Variants in SYNE2 observed in about 807,000 individuals in gnomAD.
SYNE2 encodes the protein nesprin-2.
Under a neutral mutation model 856.3 loss-of-function variants are expected in SYNE2, and 431 were observed. The observed-to-expected ratio is 0.50, with a 90% CI of 0.47 to 0.55. The LOEUF (loss-of-function observed/expected upper bound fraction) is 0.55. SYNE2 is among the 20% of genes least tolerant of loss of function. The probability of loss-of-function intolerance (pLI) is 0.00; values close to 1 mark genes in which losing one functional copy is unlikely to be tolerated. For missense variants in SYNE2, 8,129 were observed against 8,023.2 expected (o/e 1.01, Z -0.50); for synonymous variants, 2,923 against 2,872.3 (o/e 1.02, Z -0.56).
chr14:64,094,865 A>C (rs1293054584), intron 61 of SYNE2, among the ~76,000 whole-genome samples: 4 of 152,202 alleles, frequency 2.6e-5, no homozygotes, highest in Admixed American at 1.3e-4. Context: ...CTACATATTA[A>C]TAGGAATAAC....
intron 1 of SYNE2, among the ~76,000 whole-genome samples, chr14:63,843,298 G>A (rs1001974155): frequency 6.6e-6 from 1 of 152,124 alleles, no homozygotes; most frequent in Admixed American, 6.6e-5. Context: ...CACCTGCCTA[G>A]GGCTCTCAAA....
At position 64,052,429 on chromosome 14, in the gene SYNE2, T is replaced by C; in HGVS notation, c.8516T>C (p.Phe2839Ser). The C allele has an allele frequency of 6.2e-7, 1 of 1,613,078 alleles. No individual in the cohort carries two copies. Among genetic ancestry groups the C allele is most frequent in the Non-Finnish European group, 8.5e-7 (1 of 1,179,658 alleles). ...TTTAAGTTGGAAGAAAGAAGCAATT[T>C]TTTTGCTATAATAAGGAAGTTTCAA... ...LEFKLEERSN[F>S]FAIIRKFQLM... is the part of the protein sequence containing the mutation. The change falls in exon 48 of 116, where the codon TTT becomes TCT. Residue 2839 changes from phenylalanine to serine, a missense_variant. This residue lies in a region of SYNE2 where 5,410 missense variants were observed against 5,284.8 expected (regional missense o/e 1.02). Transcript: ENST00000555002.
At chr14:64,143,476 T>G (rs1159127977) in intron 82 of SYNE2, among the ~76,000 whole-genome samples, 1 of 152,210 alleles carries the variant, frequency 6.6e-6, no homozygotes, top group African/African-American at 2.4e-5. Context: ...CCCAGGAAGC[T>G]TTGTCATATC....
At chr14:63,817,244 G>C (rs1889027293) in intron 1 of SYNE2, among the ~76,000 whole-genome samples, 1 of 152,072 alleles carries the variant, frequency 6.6e-6, no homozygotes, top group South Asian at 2.1e-4. Context: ...TGGATTGCTT[G>C]AGCTCAGGAG....
chr14:64,037,987 C>T (rs1466033866), intron 45 of SYNE2, among the ~76,000 whole-genome samples: 204 of 151,450 alleles, frequency 1.3e-3, no homozygotes, highest in African/African-American at 4.3e-3. Context: ...CGGGCGGAGA[C>T]GCTCCTCACT....
At chr14:64,062,970 A>G (rs2097329162) in intron 50 of SYNE2, 75 bp downstream of exon 50, 2 of 1,563,258 alleles carry the variant, frequency 1.3e-6, no homozygotes, top group South Asian at 2.2e-5. Flanking sequence ...GCAGCAGAGA[A>G]TGTGGTCCTG....
chr14:63,824,080 TG>T (rs1437066118), intron 1 of SYNE2, among the ~76,000 whole-genome samples: 2 of 152,248 alleles, frequency 1.3e-5, no homozygotes, highest in Non-Finnish European at 2.9e-5. Context: ...GACTCATACC[TG>T]TAATCCCAAC....
At chr14:64,064,233 A>G (rs2097340218) in intron 50 of SYNE2, among the ~76,000 whole-genome samples, 1 of 152,208 alleles carries the variant, frequency 6.6e-6, no homozygotes, top group Non-Finnish European at 1.5e-5. Context: ...TTGATACCAC[A>G]ACAGTTGATC....
Position 64,021,372 on chromosome 14 carries a change from G to T in SYNE2, c.5209G>T (p.Glu1737Ter). Residue 1737 changes from glutamate to a stop codon, truncating the protein, a stop_gained, in exon 36 of 116, where the codon GAA becomes TAA. Coordinates refer to ENST00000555002, the MANE Select transcript of SYNE2 (RefSeq NM_182914.3). LOFTEE classifies it high-confidence loss of function. ...ACATGTACAGAAGTGCTTAACAGGA[G>T]AATCCAACTGCCATGCACTCAGTGG... ...MEHVQKCLTG[E>*]SNCHALSGST... The T allele has an allele frequency of 1.2e-6, 2 of 1,614,140 alleles. No homozygotes were observed. Among genetic ancestry groups the T allele is most frequent in the Non-Finnish European group, 1.7e-6 (2 of 1,180,020 alleles).
At position 63,983,905 on chromosome 14, in the gene SYNE2, G is replaced by A. The variant is rs778132139; in HGVS notation, c.2151+19G>A. On this transcript the variant is annotated intron_variant, in intron 18 of 115. Transcript: ENST00000555002. ...TATAAAGGTAAAATAATCATACTTT[G>A]TATATTTCACTTGCAAATAGAAATA... 2.1e-6 allele frequency: 3 copies of A among 1,445,712 alleles called. No homozygotes were observed. Among genetic ancestry groups the A allele is most frequent in the Middle Eastern group, 1.9e-4 (1 of 5,404 alleles). The allele number at this position is 1,445,712 out of a possible 1,614,324, so 89.6% of individuals were successfully genotyped here.
At chr14:64,167,934 G>T (rs1317035584) in intron 92 of SYNE2, among the ~76,000 whole-genome samples, 6 of 152,142 alleles carry the variant, frequency 3.9e-5, no homozygotes, top group Non-Finnish European at 8.8e-5. Context: ...ATTCTATCAA[G>T]AGTATAATAA....
chr14:64,043,332 G>A (rs1313196279), intron 45 of SYNE2, among the ~76,000 whole-genome samples: 2 of 152,148 alleles, frequency 1.3e-5, no homozygotes, highest in African/African-American at 2.4e-5. Flanking sequence ...CTGACAATAC[G>A]ATAGAAAAGA....
intron 1 of SYNE2, among the ~76,000 whole-genome samples, chr14:63,806,512 C>A (rs1211230268): frequency 1.3e-5 from 2 of 152,074 alleles, no homozygotes; most frequent in Non-Finnish European, 2.9e-5. Context: ...GGAGTCCCTC[C>A]TCCTCTCTTT....
At chr14:63,843,995 C>T (rs1364074057) in intron 1 of SYNE2, among the ~76,000 whole-genome samples, 2 of 152,148 alleles carry the variant, frequency 1.3e-5, no homozygotes, top group Non-Finnish European at 2.9e-5. Flanking sequence ...CATCCGGCAC[C>T]AGAGTTTACA....
chr14:64,103,355 T>TTG, intron 64 of SYNE2, among the ~76,000 whole-genome samples: 1 of 113,876 alleles, frequency 8.8e-6, no homozygotes, highest in South Asian at 2.2e-4. Flanking sequence ...TCCATAATCT[T>TTG]TTTTTTTTTT....
chr14:64,183,362 G>A (rs2098470900), intron 96 of SYNE2, among the ~76,000 whole-genome samples: 1 of 151,860 alleles, frequency 6.6e-6, no homozygotes, highest in Non-Finnish European at 1.5e-5. Flanking sequence ...ACGATGGGCG[G>A]CCGGGCAGAG....
intron 99 of SYNE2, among the ~76,000 whole-genome samples, chr14:64,193,487 T>A (rs1376931718): frequency 1.3e-5 from 2 of 151,712 alleles, no homozygotes; most frequent in Admixed American, 1.3e-4. Flanking sequence ...GAGGTGGAGG[T>A]TGCAATGAGC....
chr14:64,102,054 C>CGT lies in SYNE2; in HGVS notation c.12492+13_12492+14dup, dbSNP rs780123812. The CGT allele has an allele frequency of 4.4e-6, 7 of 1,589,530 alleles. No homozygotes were observed. The highest frequency in any genetic ancestry group is 1.7e-5 in the Admixed American group (1 of 59,972). On this transcript the variant is annotated intron_variant, in intron 64 of 115. Coordinates refer to ENST00000555002, the MANE Select transcript of SYNE2 (RefSeq NM_182914.3). ...GAACAATTGTTCAGGTAATGCTGGG[C>CGT]GTATCAGCCACGCTTAGGGGTTACG...
At chr14:64,130,303 T>C in intron 76 of SYNE2, 55 bp downstream of exon 76, 5 of 1,432,560 alleles carry the variant, frequency 3.5e-6, no homozygotes, top group Non-Finnish European at 4.8e-6. Context: ...TCTTAAGGTA[T>C]TTCTGAATGT....
Sources: gnomAD v4.1 joint callset for allele counts (sites outside exome capture counted in the v4.1 genomes callset) on GRCh38, gnomAD v4.1.1 for gene constraint, gnomAD v4.1.1 regional missense constraint, MANE v1.5 for transcripts, NCBI Gene and HGNC (gene_info 2026-07-23, HGNC 2026-07-21) for gene names.